The following KIF18B variants were observed in gnomAD, a reference collection of about 807,000 sequenced individuals.
KIF18B encodes the protein kinesin family member 18B.
KIF18B carries 49 observed loss-of-function variants against 80.9 expected under a neutral mutation model. The ratio of observed to expected loss-of-function variants is 0.61; its 90% confidence interval spans 0.48 to 0.77. The LOEUF is 0.77. Among genes scored for constraint, KIF18B ranks in the 30% least tolerant of loss-of-function variants. The probability of loss-of-function intolerance (pLI) is 0.00; values close to 1 mark genes in which losing one functional copy is unlikely to be tolerated. For missense variants in KIF18B, 994 were observed against 1,127.7 expected, an observed-to-expected ratio of 0.88 and a Z score of 1.70; for synonymous variants, 439 against 463.9, an observed-to-expected ratio of 0.95 and a Z score of 0.69.
intron 11 of KIF18B, among the ~76,000 whole-genome samples, chr17:44,931,131 G>GT (rs1462918319): frequency 2.0e-5 from 3 of 152,136 alleles, no homozygotes; most frequent in African/African-American, 7.2e-5. Context: ...TTTTTCTTTG[G>GT]CTTTGATTAG....
At chr17:44,932,228 G>A in intron 9 of KIF18B, 22 bp from the exon 10 acceptor site, 2 of 1,569,342 alleles carry the variant, frequency 1.3e-6, no homozygotes, top group East Asian at 4.5e-5. Flanking sequence ...GGGTGGCAAG[G>A]GGGAGCTGGG....
At chr17:44,943,314 A>G (rs2052453440) in intron 1 of KIF18B, among the ~76,000 whole-genome samples, 1 of 151,816 alleles carries the variant, frequency 6.6e-6, no homozygotes, top group African/African-American at 2.4e-5. Context: ...GTTAGCCAGG[A>G]TGGTCTCGAT....
chr17:44,925,430 AGAGC>A lies in KIF18B; in HGVS notation c.*646_*649del, dbSNP rs2052005911. 6.6e-6 allele frequency: 1 copy of A among 152,648 alleles called. No homozygotes were observed. The highest frequency in any genetic ancestry group is 1.5e-5 in the Non-Finnish European group (1 of 68,788). 9.5% of individuals were successfully genotyped at this position (152,648 alleles called of 1,614,324 possible). The stretch of plus-strand genomic sequence containing the variant: ...ACCACTGCACTCCAGCCTGGGCGAC[AGAGC>A]GAGACTCCATCTCAAAAAAAAAAAA... On this transcript the variant is annotated 3_prime_UTR_variant, in exon 16 of 16. Coordinates refer to ENST00000593135, the MANE Select transcript of KIF18B (RefSeq NM_001265577.2).
chr17:44,935,029 A>C, intron 3 of KIF18B, 94 bp from the exon 4 acceptor site: 1 of 974,566 alleles, frequency 1.0e-6, no homozygotes, highest in Non-Finnish European at 1.5e-6. Flanking sequence ...GCCGGGATGT[A>C]TCTGAGACAC....
chr17:44,929,119 G>T, intron 11 of KIF18B, 95 bp from the exon 12 acceptor site: 1 of 1,145,642 alleles, frequency 8.7e-7, no homozygotes, highest in Non-Finnish European at 1.3e-6. Flanking sequence ...TCCAGCTGTG[G>T]TTGAGGAGTC....
chr17:44,947,350 T>C (rs1567803602), intron 1 of KIF18B, among the ~76,000 whole-genome samples: 1 of 152,056 alleles, frequency 6.6e-6, no homozygotes, highest in Admixed American at 6.5e-5. Context: ...CGGTGGCAGA[T>C]GTGCAGGCCC....
At position 44,934,622 on chromosome 17, in the gene KIF18B, A is replaced by G. The variant is rs1567793148; in HGVS notation, c.577-5T>C. 1 of 1,596,164 alleles carries G rather than the reference A, an allele frequency of 6.3e-7. No homozygotes were observed. The highest frequency in any genetic ancestry group is 1.1e-5 in the South Asian group (1 of 88,132). ...CAGCTGCTCGGCTGAGGCTGGCTACAGAGGAGAAGCCCAGGAACGGGGCTG... is the reference window on the plus strand; with the variant it reads ...CAGCTGCTCGGCTGAGGCTGGCTACGGAGGAGAAGCCCAGGAACGGGGCTG... On this transcript the variant is annotated splice_region_variant and splice_polypyrimidine_tract_variant and intron_variant, in intron 4 of 15. Coordinates refer to ENST00000593135, the MANE Select transcript of KIF18B (RefSeq NM_001265577.2). The surrounding 1 kb of genome is among the most constrained non-coding windows in gnomAD (Gnocchi z 5.4).
rs1308466980 is a variant in KIF18B, at chr17:44,925,007, A to T, written c.*1073T>A. 6.6e-6 allele frequency: 1 copy of T among 152,172 alleles called. No individual in the cohort carries two copies. Among genetic ancestry groups the T allele is most frequent in the Non-Finnish European group, 1.5e-5 (1 of 68,046 alleles). The allele number at this position is 152,172 out of a possible 1,614,324, so 9.4% of individuals were successfully genotyped here. ...GAGTAGGGATGAAGATGTCCCTCTCAGAAACCAGGAAGAGCCAAGCCGCGA... is the reference window on the plus strand; with the variant it reads ...GAGTAGGGATGAAGATGTCCCTCTCTGAAACCAGGAAGAGCCAAGCCGCGA... On this transcript the variant is annotated 3_prime_UTR_variant, in exon 16 of 16. Transcript: ENST00000593135.
chr17:44,925,859 C>T lies in KIF18B; in HGVS notation c.*221G>A, dbSNP rs1479825891. 1.7e-6 allele frequency: 1 copy of T among 597,306 alleles called. No individual in the cohort carries two copies. Among genetic ancestry groups the T allele is most frequent in the Non-Finnish European group, 3.0e-6 (1 of 336,642 alleles). The allele number at this position is 597,306 out of a possible 1,614,324, so 37.0% of individuals were successfully genotyped here. A position where few individuals can be genotyped will look rare whatever the true frequency, so the allele number is the denominator to read the frequency against. On this transcript the variant is annotated 3_prime_UTR_variant, in exon 16 of 16. Coordinates refer to ENST00000593135, the MANE Select transcript of KIF18B (RefSeq NM_001265577.2). ...ATTAACACTCACAAATGAATATGTA[C>T]ATGCCAAGAAGCTGAGTGTAACAGG...
chr17:44,937,516 C>T (rs7212001), intron 1 of KIF18B, among the ~76,000 whole-genome samples: 98,000 of 151,964 alleles, frequency 0.64, 32,886 homozygotes, highest in African/African-American at 0.85. Context: ...TAATTGCTCC[C>T]GTGGATGGAA....
In KIF18B at chr17:44,928,070, T is replaced by G. The variant is rs529539002; in HGVS notation, c.2232A>C (p.Lys744Asn). ...CCAGCCTGCTCAGCTCCTGGGGTAT[T>G]TTGTCCCAGCCAATGCATTCATGGA... ...PSFHECIGWD[K>N]IPQELSRLDQ... The change falls in exon 13 of 16, where the codon AAA becomes AAC. Residue 744 changes from lysine (K) to asparagine (N), a missense_variant. By Grantham distance (94) the Lys-to-Asn change is moderately conservative. Coordinates refer to ENST00000593135, the MANE Select transcript of KIF18B (RefSeq NM_001265577.2). The G allele has an allele frequency of 5.0e-5, 77 of 1,537,768 alleles. No individual in the cohort carries two copies. The highest frequency in any genetic ancestry group is 6.5e-5 in the Non-Finnish European group (74 of 1,143,820).
intron 1 of KIF18B, among the ~76,000 whole-genome samples, chr17:44,944,012 G>A (rs572127423): frequency 3.3e-5 from 5 of 152,068 alleles, no homozygotes; most frequent in Non-Finnish European, 7.4e-5. Flanking sequence ...CCACCACACC[G>A]GCTCCTATTG....
chr17:44,932,126 C>T lies in KIF18B; in HGVS notation c.1319G>A (p.Arg440Lys), dbSNP rs754564392. 1.2e-6 allele frequency: 2 copies of T among 1,613,802 alleles called. No individual in the cohort carries two copies. Among genetic ancestry groups the T allele is most frequent in the African/African-American group, 1.3e-5 (1 of 74,922 alleles). Residue 440 changes from arginine to lysine, a missense_variant, in exon 10 of 16, where the codon AGG (arginine) becomes AAG (lysine). Arg to Lys is a conservative substitution (Grantham distance 26, BLOSUM62 2). Coordinates refer to ENST00000593135, the MANE Select transcript of KIF18B (RefSeq NM_001265577.2). ...ESLGMEAQVERAMEGNSSDQE... is the reference protein window; with the variant it reads ...ESLGMEAQVEKAMEGNSSDQE... ...GTCTGAAGAGTTCCCTTCCATGGCC[C>T]TCTCCACCTGGGCCTCCATCCCCAG...
rs756864529 is a variant in KIF18B, at chr17:44,936,209, C to G, written c.136G>C (p.Asp46His). The change falls in exon 2 of 16, where the codon GAT becomes CAT. Residue 46 changes from aspartate (D) to histidine (H), a missense_variant. Asp to His is a moderately conservative substitution (Grantham distance 81). Coordinates refer to ENST00000593135, the MANE Select transcript of KIF18B (RefSeq NM_001265577.2). ...CATTTCAGGCCAGGGAACCCTCCATCGGGCTCCTCAGGGTTAAACACCAGC... is the reference window on the plus strand; with the variant it reads ...CATTTCAGGCCAGGGAACCCTCCATGGGGCTCCTCAGGGTTAAACACCAGC... ...RVLVFNPEEP[D>H]GGFPGLKWGG... 7.4e-6 allele frequency: 12 copies of G among 1,611,220 alleles called. No homozygotes were observed. Among genetic ancestry groups the G allele is most frequent in the Non-Finnish European group, 1.0e-5 (12 of 1,178,984 alleles).
intron 1 of KIF18B, among the ~76,000 whole-genome samples, chr17:44,942,846 CACA>C (rs1383123631): frequency 2.6e-5 from 4 of 152,248 alleles, no homozygotes; most frequent in Non-Finnish European, 4.4e-5. Flanking sequence ...GTTTAACTTT[CACA>C]ACAATTGTCA....
chr17:44,926,625 A>G, intron 14 of KIF18B, 126 bp from the exon 15 acceptor site: 1 of 920,962 alleles, frequency 1.1e-6, no homozygotes, highest in African/African-American at 1.7e-5. Flanking sequence ...GGGCACCAGC[A>G]GGAGCTTCCA....
intron 1 of KIF18B, among the ~76,000 whole-genome samples, chr17:44,940,123 G>C (rs1218514658): frequency 1.3e-5 from 2 of 152,234 alleles, no homozygotes; most frequent in Admixed American, 6.5e-5. Flanking sequence ...CTTTCCAGAA[G>C]ATAGGAAAGC....
rs373952640 is a variant in KIF18B, at chr17:44,936,238, C to T, written c.107G>A (p.Arg36Gln). ...CTCCTCAGGGTTAAACACCAGCACC[C>T]GCTCGTCCACCACCTGAACCACTGG... ...RRPVVQVVDERVLVFNPEEPD... is the reference protein window; with the variant it reads ...RRPVVQVVDEQVLVFNPEEPD... Residue 36 changes from arginine to glutamine, a missense_variant, in exon 2 of 16, where the codon CGG becomes CAG. Coordinates refer to ENST00000593135, the MANE Select transcript of KIF18B (RefSeq NM_001265577.2). 26 of 1,610,278 alleles carry T rather than the reference C, an allele frequency of 1.6e-5. No homozygotes were observed. Among genetic ancestry groups the T allele is most frequent in the Middle Eastern group, 1.7e-4 (1 of 6,058 alleles).
chr17:44,944,385 G>A (rs1381993130), intron 1 of KIF18B, among the ~76,000 whole-genome samples: 1 of 152,032 alleles, frequency 6.6e-6, no homozygotes, highest in Non-Finnish European at 1.5e-5. Context: ...TGGGACTACA[G>A]GTGCCTGCCA....
Sources: allele counts gnomAD v4.1 joint callset (sites outside exome capture counted in the v4.1 genomes callset), GRCh38; gene constraint gnomAD v4.1.1; non-coding constraint Gnocchi (gnomAD v3.1); transcripts MANE v1.5; gene names NCBI Gene and HGNC (gene_info 2026-07-23, HGNC 2026-07-21).